Variants in NXPH1 observed in about 807,000 individuals in gnomAD.
The protein encoded by NXPH1 is neurexophilin 1.
NXPH1 carries 5 observed loss-of-function variants against 23.7 expected under a neutral mutation model. That is an observed-to-expected ratio of 0.21 (90% CI 0.11 to 0.44). NXPH1 has a LOEUF of 0.44. Ranked by LOEUF, NXPH1 falls within the 20% of genes least tolerant of loss-of-function variation. The pLI is 0.99. For synonymous variants in NXPH1, 144 were observed against 122.2 expected (o/e 1.18, Z -1.18); for missense variants, 324 against 321.6 (o/e 1.01, Z -0.06).
At chr7:8,474,365 A>G (rs1192561303) in intron 2 of NXPH1, among the ~76,000 whole-genome samples, 2 of 152,120 alleles carry the variant, frequency 1.3e-5, no homozygotes, top group Non-Finnish European at 2.9e-5. Flanking sequence ...ATTAATAACT[A>G]TTGTTTTATA....
intron 2 of NXPH1, among the ~76,000 whole-genome samples, chr7:8,634,665 G>GTTTTT (rs144810873): frequency 7.3e-5 from 7 of 95,694 alleles, no homozygotes; most frequent in Non-Finnish European, 1.3e-4. Flanking sequence ...GTCCAGAAGA[G>GTTTTT]TTTTTTTTTT....
chr7:8,441,820 C>A (rs925649777), intron 2 of NXPH1, among the ~76,000 whole-genome samples: 1 of 152,128 alleles, frequency 6.6e-6, no homozygotes, highest in African/African-American at 2.4e-5. Flanking sequence ...GTTTAAACTT[C>A]TGATGAGCGC....
In NXPH1 at chr7:8,473,183, C is replaced by T. The variant is rs116102638; in HGVS notation, c.54+37416C>T. On this transcript the variant is annotated intron_variant, in intron 2 of 2. Coordinates refer to ENST00000405863, the MANE Select transcript of NXPH1 (RefSeq NM_152745.3). ...GGGAACACCTTTCAGATTAATTCTT[C>T]AATGTAGGGAAATGGCCATTGTCAA... Among the ~76,000 whole-genome samples, 195 of 152,260 alleles carry T rather than the reference C, an allele frequency of 1.3e-3. 2 individuals are homozygous for T. Among genetic ancestry groups the T allele is most frequent in the African/African-American group, 4.2e-3 (175 of 41,558 alleles).
intron 2 of NXPH1, among the ~76,000 whole-genome samples, chr7:8,710,377 T>G (rs969600659): frequency 6.6e-5 from 10 of 152,206 alleles, no homozygotes; most frequent in Non-Finnish European, 1.5e-4. Flanking sequence ...GGTTTTCATC[T>G]TTTAATCAAT....
At chr7:8,616,783 T>C (rs1010640332) in intron 2 of NXPH1, among the ~76,000 whole-genome samples, 2 of 145,984 alleles carry the variant, frequency 1.4e-5, no homozygotes, top group African/African-American at 5.0e-5. Flanking sequence ...GATTTTCCCC[T>C]AAAAACAAAT....
chr7:8,655,428 CTCTCTCTCTCTCTCTCTCTCT>C (rs1820560709), intron 2 of NXPH1, among the ~76,000 whole-genome samples: 1 of 48,650 alleles, frequency 2.1e-5, no homozygotes, highest in Admixed American at 2.6e-4. Context: ...CTCTCTCTCT[CTCTCTCTCTCTCTCTCTCTCT>C]ATACACACAC....
chr7:8,716,627 C>G (rs538940741), intron 2 of NXPH1, among the ~76,000 whole-genome samples: 1 of 152,058 alleles, frequency 6.6e-6, no homozygotes, highest in Non-Finnish European at 1.5e-5. Context: ...TTTTCATTGC[C>G]TTTCAACCAT....
At chr7:8,717,497 T>A (rs1348776763) in intron 2 of NXPH1, among the ~76,000 whole-genome samples, 2 of 152,184 alleles carry the variant, frequency 1.3e-5, no homozygotes, top group African/African-American at 4.8e-5. Context: ...GTATCTAAGA[T>A]TCCTGAAGCT....
At chr7:8,620,420 C>A (rs553210917) in intron 2 of NXPH1, among the ~76,000 whole-genome samples, 72 of 152,264 alleles carry the variant, frequency 4.7e-4, no homozygotes, top group African/African-American at 1.7e-3. Context: ...CTCTGTGCTG[C>A]CTCTTCTTGT....
intron 2 of NXPH1, among the ~76,000 whole-genome samples, chr7:8,733,555 T>C (rs1324012347): frequency 6.6e-6 from 1 of 152,208 alleles, no homozygotes; most frequent in African/African-American, 2.4e-5. Context: ...GTTTCCTGAC[T>C]TTTTAATGAT....
intron 2 of NXPH1, among the ~76,000 whole-genome samples, chr7:8,612,430 G>C (rs1819642262): frequency 1.3e-5 from 2 of 151,892 alleles, no homozygotes; most frequent in African/African-American, 4.8e-5. Flanking sequence ...GCTAGTAGCA[G>C]CACTCAAGAG....
At chr7:8,636,522 A>T (rs150332011) in intron 2 of NXPH1, among the ~76,000 whole-genome samples, 1 of 152,202 alleles carries the variant, frequency 6.6e-6, no homozygotes, top group Non-Finnish European at 1.5e-5. Context: ...TTAGCAAAGG[A>T]TTAAAAAGGA....
chr7:8,640,866 A>G (rs1039070339), intron 2 of NXPH1, among the ~76,000 whole-genome samples: 6 of 152,152 alleles, frequency 3.9e-5, no homozygotes, highest in African/African-American at 1.4e-4. Context: ...GGGCTGTTGG[A>G]TCTCTTGAGT....
intron 2 of NXPH1, among the ~76,000 whole-genome samples, chr7:8,720,213 T>G (rs537390236): frequency 6.6e-6 from 1 of 152,312 alleles, no homozygotes; most frequent in Non-Finnish European, 1.5e-5. Context: ...CACTCTTAAA[T>G]AGCAATAGGT....
chr7:8,621,409 A>G (rs1041228570), intron 2 of NXPH1, among the ~76,000 whole-genome samples: 1 of 152,014 alleles, frequency 6.6e-6, no homozygotes, highest in African/African-American at 2.4e-5. Context: ...GGAAATTTCC[A>G]TCTTTGACTT....
chr7:8,574,621 C>G (rs374051864), intron 2 of NXPH1, among the ~76,000 whole-genome samples: 1 of 152,124 alleles, frequency 6.6e-6, no homozygotes, highest in East Asian at 1.9e-4. Flanking sequence ...CTGGTGTCTG[C>G]ATCACATGTA....
Position 8,610,403 on chromosome 7 carries a change from C to T in NXPH1, c.55-140605C>T, listed in dbSNP as rs549003507. ...TGTCTATTTCCAGATCTTCATTCCT[C>T]ATGATTCTATCACAGGACGTGTTAG... is the stretch of plus-strand genomic sequence containing the variant. On this transcript the variant is annotated intron_variant, in intron 2 of 2. Transcript: ENST00000405863. 4.6e-5 allele frequency among the ~76,000 whole-genome samples: 7 copies of T among 152,272 alleles called. No individual in the cohort carries two copies. The South Asian group carries it at 6.2e-4, about 14-fold the overall frequency.
intron 2 of NXPH1, among the ~76,000 whole-genome samples, chr7:8,687,779 G>A (rs1821169888): frequency 6.6e-6 from 1 of 152,126 alleles, no homozygotes; most frequent in African/African-American, 2.4e-5. Context: ...AGGTTAGCTA[G>A]TATCATTGTC....
At chr7:8,722,637 G>A (rs1291958961) in intron 2 of NXPH1, among the ~76,000 whole-genome samples, 2 of 152,162 alleles carry the variant, frequency 1.3e-5, no homozygotes, top group Admixed American at 1.3e-4. Context: ...AGTTAAGCAA[G>A]TTCCTTGTTT....
Sources: allele counts gnomAD v4.1 joint callset (sites outside exome capture counted in the v4.1 genomes callset), GRCh38; gene constraint gnomAD v4.1.1; transcripts MANE v1.5; gene names NCBI Gene and HGNC (gene_info 2026-07-23, HGNC 2026-07-21).